JADE2: variants seen among roughly 807,000 people sequenced by gnomAD.
The protein encoded by JADE2 is E3 ubiquitin-protein ligase Jade-2.
JADE2 carries 13 observed loss-of-function variants against 85.7 expected under a neutral mutation model. The ratio of observed to expected loss-of-function variants is 0.15; its 90% CI spans 0.10 to 0.24. The LOEUF is 0.24. Among genes scored for constraint, JADE2 ranks in the 10% least tolerant of loss-of-function variants. The probability of loss-of-function intolerance (pLI) is 1.00; values close to 1 mark genes in which losing one functional copy is unlikely to be tolerated. For synonymous variants in JADE2, 440 were observed against 456.1 expected, an observed-to-expected ratio of 0.96 and a Z score of 0.45; for missense variants, 846 against 1,115.9, an observed-to-expected ratio of 0.76 and a Z score of 3.45.
intron 9 of JADE2, among the ~76,000 whole-genome samples, chr5:134,571,492 T>A (rs1408825827): frequency 1.1e-4 from 17 of 150,316 alleles, no homozygotes; most frequent in Admixed American, 1.1e-3. Context: ...AGGTCAGGAG[T>A]TCAAGACTAG....
Position 134,545,878 on chromosome 5 carries a change from G to T in JADE2, c.154-6174G>T, listed in dbSNP as rs185381439. Among the ~76,000 whole-genome samples, 22 of 152,320 alleles carry T rather than the reference G, an allele frequency of 1.4e-4. No individual in the cohort carries two copies. In the East Asian group the frequency reaches 3.7e-3, roughly 25 times the overall value. On this transcript the variant is annotated intron_variant, in intron 3 of 11. Coordinates refer to ENST00000681547, the MANE Select transcript of JADE2 (RefSeq NM_001388185.1). ...CAGACCTTCAAACTTTCCTTGAGGG[G>T]TGAGGAAGAAGGCACCACTTCCAGC...
chr5:134,576,704 T>C, intron 10 of JADE2, 64 bp from the exon 11 acceptor site: 3 of 1,544,822 alleles, frequency 1.9e-6, no homozygotes, highest in South Asian at 1.2e-5. Flanking sequence ...CGCAGGGATC[T>C]TGGTGCTGAC....
At position 134,579,505 on chromosome 5, in the gene JADE2, G is replaced by C; in HGVS notation, c.*188G>C. Reference sequence around the variant, plus strand: ...GTTGTCTTTCCTCTGTGCTGGCCTAGGACATTAGGATTCCTTCCACGGCTC... The same window carrying C: ...GTTGTCTTTCCTCTGTGCTGGCCTACGACATTAGGATTCCTTCCACGGCTC... On this transcript the variant is annotated 3_prime_UTR_variant, in exon 12 of 12. Coordinates refer to ENST00000681547, the MANE Select transcript of JADE2 (RefSeq NM_001388185.1). This position sits in a 1 kb window ranked among gnomAD's most constrained non-coding sequence, Gnocchi z 4.6. 1 of 579,684 alleles carries C rather than the reference G, an allele frequency of 1.7e-6. No homozygotes were observed. The highest frequency in any genetic ancestry group is 2.4e-5 in the South Asian group (1 of 41,364). The allele number at this position is 579,684 out of a possible 1,614,324, so 35.9% of individuals were successfully genotyped here.
chr5:134,546,194 G>A (rs1193504342), intron 3 of JADE2, among the ~76,000 whole-genome samples: 4 of 151,414 alleles, frequency 2.6e-5, no homozygotes, highest in Non-Finnish European at 4.4e-5. Flanking sequence ...TTTGAGACAG[G>A]GTCTCCCTCT....
intron 3 of JADE2, among the ~76,000 whole-genome samples, chr5:134,543,908 C>T (rs557236072): frequency 5.9e-5 from 9 of 152,340 alleles, no homozygotes; most frequent in Non-Finnish European, 1.3e-4. Context: ...CAGTCCACCA[C>T]TCCATGTCCT....
intron 8 of JADE2, 77 bp downstream of exon 8, chr5:134,564,687 C>A: frequency 1.1e-6 from 1 of 887,632 alleles, no homozygotes; most frequent in Non-Finnish European, 1.7e-6. Flanking sequence ...GCAGCTGCCA[C>A]CACCTTCTCC....
chr5:134,535,225 G>A lies in JADE2; in HGVS notation c.1-633G>A, dbSNP rs1270518506. The stretch of plus-strand genomic sequence containing the variant: ...TAGAGTTTATTTGTACGTTTATCTG[G>A]GAAGGATGGTGGGGAGTAGGAGGGC... On this transcript the variant is annotated intron_variant, in intron 1 of 11. Coordinates refer to ENST00000681547, the MANE Select transcript of JADE2 (RefSeq NM_001388185.1). 4.6e-5 allele frequency among the ~76,000 whole-genome samples: 7 copies of A among 152,266 alleles called. No homozygotes were observed. The East Asian group carries it at 1.4e-3, about 29-fold the overall frequency.
chr5:134,570,863 G>T (rs769201651), intron 9 of JADE2, among the ~76,000 whole-genome samples: 1 of 152,212 alleles, frequency 6.6e-6, no homozygotes, highest in Non-Finnish European at 1.5e-5. Flanking sequence ...TGCCCCACGT[G>T]GGGGTGCTGG....
At chr5:134,524,175 A>G (rs139664753), upstream of JADE2, 1,520 of 152,290 alleles carry the variant, frequency 1.0e-2, 26 homozygotes, top group African/African-American at 0.034. Flanking sequence ...CCCCCTCCCC[A>G]GCTAGAGGCA....
Position 134,539,358 on chromosome 5 carries a change from C to T in JADE2, c.153+1275C>T, listed in dbSNP as rs527691562. Among the ~76,000 whole-genome samples the T allele has an allele frequency of 2.0e-3, 311 of 152,196 alleles. 1 individual carries two copies. Among genetic ancestry groups the T allele is most frequent in the African/African-American group, 6.9e-3 (288 of 41,524 alleles). ...GATTACAGGCATGAGCCACCGCGCC[C>T]GGCCTAATTTTTGTATTTTTAGTAG... On this transcript the variant is annotated intron_variant, in intron 3 of 11. Transcript: ENST00000681547.
chr5:134,549,110 C>G (rs1470630997), intron 3 of JADE2, among the ~76,000 whole-genome samples: 1 of 152,162 alleles, frequency 6.6e-6, no homozygotes, highest in African/African-American at 2.4e-5. Context: ...AGGTACTTTT[C>G]AGGAGTGTAA....
intron 3 of JADE2, among the ~76,000 whole-genome samples, chr5:134,546,763 G>A (rs1477802770): frequency 4.8e-5 from 7 of 144,410 alleles, no homozygotes; most frequent in East Asian, 2.3e-4. Flanking sequence ...ACGAGACACC[G>A]TCTCAAAAAA....
intron 4 of JADE2, 36 bp from the exon 5 acceptor site, chr5:134,559,794 C>A: frequency 6.3e-7 from 1 of 1,586,734 alleles, no homozygotes; most frequent in Middle Eastern, 2.1e-4. Context: ...AGGCTGAGGG[C>A]CCCTCCCTTC....
intron 9 of JADE2, among the ~76,000 whole-genome samples, chr5:134,569,934 C>T (rs973159816): frequency 2.6e-5 from 4 of 152,200 alleles, no homozygotes; most frequent in African/African-American, 7.2e-5. Context: ...CAGCTGCTCC[C>T]AGGTCAGTAG....
Position 134,579,474 on chromosome 5 carries a change from T to G in JADE2, c.*157T>G. 3.0e-5 allele frequency: 18 copies of G among 607,770 alleles called. No homozygotes were observed. Among genetic ancestry groups the G allele is most frequent in the Non-Finnish European group, 3.4e-5 (12 of 348,510 alleles). 37.6% of individuals were successfully genotyped at this position (607,770 alleles called of 1,614,324 possible). On this transcript the variant is annotated 3_prime_UTR_variant, in exon 12 of 12. Transcript: ENST00000681547. The surrounding 1 kb of genome is among the most constrained non-coding windows in gnomAD (Gnocchi z 4.6). ...TTAATATAGAGAGAGTTTTGAATTC[T>G]ACACTGTTGTCTTTCCTCTGTGCTG...
intron 3 of JADE2, among the ~76,000 whole-genome samples, chr5:134,548,337 C>T (rs1762412993): frequency 6.6e-6 from 1 of 152,210 alleles, no homozygotes; most frequent in South Asian, 2.1e-4. Context: ...TTCCAGCACG[C>T]ACACCTTGGG....
intron 4 of JADE2, among the ~76,000 whole-genome samples, chr5:134,553,959 C>T (rs1405215526): frequency 6.6e-6 from 1 of 152,194 alleles, no homozygotes; most frequent in Non-Finnish European, 1.5e-5. Context: ...TGTCTCAGGG[C>T]AGAGGGGTCT....
intron 9 of JADE2, among the ~76,000 whole-genome samples, chr5:134,571,507 G>A (rs1313333197): frequency 2.6e-5 from 4 of 152,138 alleles, no homozygotes; most frequent in Non-Finnish European, 5.9e-5. Flanking sequence ...GACTAGCCTG[G>A]CCAACATGGT....
intron 1 of JADE2, among the ~76,000 whole-genome samples, chr5:134,528,384 A>G (rs1761015645): frequency 6.6e-6 from 1 of 152,092 alleles, no homozygotes; most frequent in Non-Finnish European, 1.5e-5. Flanking sequence ...GTCTTGTCCC[A>G]TCTTCCTTAG....
Sources: allele counts gnomAD v4.1 joint callset (sites outside exome capture counted in the v4.1 genomes callset), GRCh38; gene constraint gnomAD v4.1.1; non-coding constraint Gnocchi (gnomAD v3.1); transcripts MANE v1.5; gene names NCBI Gene and HGNC (gene_info 2026-07-23, HGNC 2026-07-21).